The following NRG1 variants were observed in gnomAD, a reference collection of about 807,000 sequenced individuals.
NRG1 encodes pro-neuregulin-1, membrane-bound isoform.
A neutral mutation model predicts 63.8 loss-of-function variants in NRG1; 18 were observed. The ratio of observed to expected loss-of-function variants is 0.28; its 90% CI spans 0.19 to 0.42. The LOEUF is 0.42. Ranked by LOEUF, NRG1 falls within the 10% of genes least tolerant of loss-of-function variation. The pLI is 1.00. For synonymous variants in NRG1, 302 were observed against 301.3 expected (o/e 1.00, Z -0.02); for missense variants, 762 against 814.7 (o/e 0.94, Z 0.79).
At chr8:32,548,326 C>G (rs1189633866) in exon 1 of NRG1, 3 of 998,678 alleles carry the variant, frequency 3.0e-6, no homozygotes, top group Non-Finnish European at 3.6e-6. Context: ...TGTTGGAACT[C>G]CGGGCTCGCG....
At chr8:32,092,630 G>T (rs1276081063) in intron 1 of NRG1, among the ~76,000 whole-genome samples, 1 of 152,100 alleles carries the variant, frequency 6.6e-6, no homozygotes, top group Non-Finnish European at 1.5e-5. Context: ...CCTCTTGAGG[G>T]AGTTACATCT....
chr8:32,042,242 T>A (rs748108530), intron 1 of NRG1, among the ~76,000 whole-genome samples: 2 of 151,916 alleles, frequency 1.3e-5, no homozygotes, highest in Non-Finnish European at 2.9e-5. Flanking sequence ...GCCAGGAGTT[T>A]GAGACCAGCT....
chr8:32,602,240 A>G (rs1588619033), intron 2 of NRG1, among the ~76,000 whole-genome samples: 3 of 152,148 alleles, frequency 2.0e-5, no homozygotes, highest in African/African-American at 4.8e-5. Context: ...TTATTTTAGC[A>G]TAGAACCATT....
intron 1 of NRG1, among the ~76,000 whole-genome samples, chr8:32,142,902 G>T (rs1836436342): frequency 6.6e-6 from 1 of 152,160 alleles, no homozygotes; most frequent in Non-Finnish European, 1.5e-5. Flanking sequence ...GTTTCTAAAG[G>T]TATACTTATG....
chr8:32,366,590 A>G (rs1182233089), intron 1 of NRG1, among the ~76,000 whole-genome samples: 1 of 150,938 alleles, frequency 6.6e-6, no homozygotes, highest in African/African-American at 2.4e-5. Context: ...GTCTGTATAT[A>G]TAATGTGTAT....
intron 6 of NRG1, among the ~76,000 whole-genome samples, chr8:32,740,291 G>T (rs2129036568): frequency 6.6e-6 from 1 of 151,030 alleles, no homozygotes; most frequent in Admixed American, 6.6e-5. Context: ...TGCCTCCCGG[G>T]TTCAAGTGAT....
At chr8:32,020,934 G>C (rs1314266572) in intron 1 of NRG1, among the ~76,000 whole-genome samples, 1 of 152,090 alleles carries the variant, frequency 6.6e-6, no homozygotes, top group Non-Finnish European at 1.5e-5. Context: ...TTCAAAGATA[G>C]CCTGTATTTG....
At chr8:31,971,337 G>A (rs1586168979) in intron 1 of NRG1, among the ~76,000 whole-genome samples, 1 of 152,186 alleles carries the variant, frequency 6.6e-6, no homozygotes. Context: ...TAGTAGCTAG[G>A]AAATCTTTGC....
intron 1 of NRG1, among the ~76,000 whole-genome samples, chr8:32,497,676 C>T (rs10110139): frequency 0.62 from 94,305 of 151,506 alleles, 29,556 homozygotes; most frequent in East Asian, 0.79. Flanking sequence ...AACATGTGTA[C>T]GTGACTAGTC....
At chr8:32,704,813 G>A (rs1351115132) in intron 5 of NRG1, among the ~76,000 whole-genome samples, 1 of 152,084 alleles carries the variant, frequency 6.6e-6, no homozygotes, top group Non-Finnish European at 1.5e-5. Flanking sequence ...TTACAGACAG[G>A]TTTTATTGGT....
chr8:32,617,062 A>C (rs1847501006), intron 5 of NRG1, among the ~76,000 whole-genome samples, 177 bp downstream of exon 5: 1 of 152,152 alleles, frequency 6.6e-6, no homozygotes, highest in Non-Finnish European at 1.5e-5. Flanking sequence ...AAGGACAACT[A>C]GACATCCTGT....
intron 1 of NRG1, among the ~76,000 whole-genome samples, chr8:32,425,982 C>A (rs1411562376): frequency 2.6e-5 from 4 of 152,136 alleles, no homozygotes. Context: ...GCCGCAGGTC[C>A]AAGTAAACAG....
At chr8:32,230,501 G>T (rs117438718) in intron 1 of NRG1, among the ~76,000 whole-genome samples, 1 of 152,046 alleles carries the variant, frequency 6.6e-6, no homozygotes, top group Non-Finnish European at 1.5e-5. Context: ...TTGGAGAGTA[G>T]GAAACTCAGG....
intron 5 of NRG1, among the ~76,000 whole-genome samples, chr8:32,711,910 A>T (rs1007959379): frequency 6.6e-6 from 1 of 152,204 alleles, no homozygotes; most frequent in African/African-American, 2.4e-5. Flanking sequence ...TTCTTCAATA[A>T]TAAGAAAACC....
chr8:31,852,999 T>A (rs1586816943), intron 1 of NRG1, among the ~76,000 whole-genome samples: 1 of 152,116 alleles, frequency 6.6e-6, no homozygotes, highest in African/African-American at 2.4e-5. Context: ...TACCATGCTG[T>A]TTTGGTTACT....
chr8:32,512,572 C>T (rs1000474862), intron 1 of NRG1, among the ~76,000 whole-genome samples: 1 of 152,158 alleles, frequency 6.6e-6, no homozygotes, highest in African/African-American at 2.4e-5. Flanking sequence ...ACATAACAAC[C>T]TTATATGGTA....
intron 5 of NRG1, among the ~76,000 whole-genome samples, chr8:32,662,954 G>A (rs1048406673): frequency 3.3e-5 from 5 of 152,100 alleles, no homozygotes; most frequent in African/African-American, 1.2e-4. Context: ...AATCAATACG[G>A]CTTTATGTGT....
chr8:31,842,911 C>CCCA (rs1826326888), intron 1 of NRG1, among the ~76,000 whole-genome samples: 1 of 152,112 alleles, frequency 6.6e-6, no homozygotes, highest in African/African-American at 2.4e-5. Context: ...AATTGACAGT[C>CCCA]CCACCAAACC....
chr8:32,703,328 G>A (rs1032419762), intron 5 of NRG1, among the ~76,000 whole-genome samples: 16 of 151,744 alleles, frequency 1.1e-4, no homozygotes, highest in African/African-American at 1.9e-4. Flanking sequence ...TATTAGTTCC[G>A]AAATATCATA....
Sources: gnomAD v4.1 joint callset for allele counts (sites outside exome capture counted in the v4.1 genomes callset) on GRCh38, gnomAD v4.1.1 for gene constraint, MANE v1.5 for transcripts, NCBI Gene and HGNC (gene_info 2026-07-23, HGNC 2026-07-21) for gene names.